Variants in PHYHIPL observed in about 807,000 individuals in gnomAD.
The protein encoded by PHYHIPL is phytanoyl-CoA hydroxylase-interacting protein-like.
Under a neutral mutation model 33.4 loss-of-function variants are expected in PHYHIPL, and 9 were observed. The observed-to-expected ratio is 0.27, with a 90% CI of 0.16 to 0.47. PHYHIPL has a LOEUF of 0.47. PHYHIPL is among the 20% of genes least tolerant of loss of function. PHYHIPL has a pLI of 0.99. For missense variants in PHYHIPL, 365 were observed against 460.7 expected (o/e 0.79, Z 1.90); for synonymous variants, 153 against 154.1 (o/e 0.99, Z 0.05).
At chr10:59,197,673 T>C (rs1183968822) in intron 1 of PHYHIPL, among the ~76,000 whole-genome samples, 1 of 152,186 alleles carries the variant, frequency 6.6e-6, no homozygotes, top group Non-Finnish European at 1.5e-5. Context: ...TGTGCTACCA[T>C]ATTTATTGTC....
chr10:59,193,745 G>C (rs1014865001), intron 1 of PHYHIPL, among the ~76,000 whole-genome samples: 14 of 151,918 alleles, frequency 9.2e-5, no homozygotes, highest in African/African-American at 3.4e-4. Flanking sequence ...GAATATTTGA[G>C]CCTATTTCTA....
Position 59,203,514 on chromosome 10 carries a change from A to C in PHYHIPL, c.106+26555A>C, listed in dbSNP as rs572353906. 2.4e-3 allele frequency among the ~76,000 whole-genome samples: 363 copies of C among 152,226 alleles called. 1 individual carries two copies. Among genetic ancestry groups the C allele is most frequent in the African/African-American group, 8.3e-3 (343 of 41,536 alleles). On this transcript the variant is annotated intron_variant, in intron 1 of 4. Transcript: ENST00000373880. Reference sequence around the variant, plus strand: ...TCACAATAGCAAAGACTTGGAACCAACCCAAATGTCCATCAATGATAGACT... The same window carrying C: ...TCACAATAGCAAAGACTTGGAACCACCCCAAATGTCCATCAATGATAGACT...
At chr10:59,241,093 G>A (rs1270438930) in intron 4 of PHYHIPL, among the ~76,000 whole-genome samples, 2 of 152,016 alleles carry the variant, frequency 1.3e-5, no homozygotes, top group African/African-American at 4.8e-5. Context: ...ACTTTCCACA[G>A]AGTGGTATAA....
At chr10:59,207,574 C>T (rs1306373434) in intron 1 of PHYHIPL, among the ~76,000 whole-genome samples, 1 of 152,156 alleles carries the variant, frequency 6.6e-6, no homozygotes, top group Non-Finnish European at 1.5e-5. Flanking sequence ...GATTCCTCCT[C>T]TCTAGGCAGG....
In PHYHIPL at chr10:59,234,520, C is replaced by A; in HGVS notation, c.303+20C>A. The A allele has an allele frequency of 6.7e-7, 1 of 1,482,770 alleles. No individual in the cohort carries two copies. Among genetic ancestry groups the A allele is most frequent in the Non-Finnish European group, 9.0e-7 (1 of 1,112,734 alleles). 91.9% of individuals were successfully genotyped at this position (1,482,770 alleles called of 1,614,324 possible). A position where few individuals can be genotyped will look rare whatever the true frequency, so the allele number is the denominator to read the frequency against. ...CACAAGGTAAAATCTAACAAATACT[C>A]ATGCTAATTTGCATCTTAAAACTTT... On this transcript the variant is annotated intron_variant, in intron 2 of 4. Transcript: ENST00000373880.
upstream of PHYHIPL, among the ~76,000 whole-genome samples, chr10:59,174,534 A>C (rs1838219240): frequency 6.6e-6 from 1 of 152,224 alleles, no homozygotes; most frequent in Admixed American, 6.5e-5. Flanking sequence ...AAAAGTAAAT[A>C]TTTCTTTTGT....
At position 59,238,716 on chromosome 10, in the gene PHYHIPL, A is replaced by G. The variant is rs1194694063; in HGVS notation, c.596+11A>G. 2 of 1,487,404 alleles carry G rather than the reference A, an allele frequency of 1.3e-6. No individual in the cohort carries two copies. Among genetic ancestry groups the G allele is most frequent in the Non-Finnish European group, 9.4e-7 (1 of 1,066,434 alleles). The allele number at this position is 1,487,404 out of a possible 1,614,324, so 92.1% of individuals were successfully genotyped here. ...TTTTGACTATGTTCGGTAAGATTCA[A>G]AAATATATAGTGATTTGTTTTACTA... On this transcript the variant is annotated intron_variant, in intron 4 of 4. Coordinates refer to ENST00000373880, the MANE Select transcript of PHYHIPL (RefSeq NM_032439.4).
intron 1 of PHYHIPL, among the ~76,000 whole-genome samples, chr10:59,194,443 A>C (rs1838857773): frequency 6.6e-6 from 1 of 152,156 alleles, no homozygotes; most frequent in South Asian, 2.1e-4. Flanking sequence ...ATAATATTTT[A>C]ATGAGAATTT....
chr10:59,220,341 G>A (rs1306698032), intron 1 of PHYHIPL, among the ~76,000 whole-genome samples: 1 of 152,048 alleles, frequency 6.6e-6, no homozygotes. Flanking sequence ...ACACAGGTAA[G>A]CCTGTGTTAC....
intron 1 of PHYHIPL, among the ~76,000 whole-genome samples, chr10:59,232,302 A>G (rs1250846998): frequency 6.6e-6 from 1 of 152,056 alleles, no homozygotes; most frequent in East Asian, 1.9e-4. Context: ...GTTAAGAACT[A>G]GTTAATCTAG....
chr10:59,234,316 A>G lies in PHYHIPL; in HGVS notation c.119A>G (p.Gln40Arg). The G allele has an allele frequency of 2.5e-6, 4 of 1,582,048 alleles. No individual in the cohort carries two copies. The highest frequency in any genetic ancestry group is 3.4e-6 in the Non-Finnish European group (4 of 1,169,964). ...QLCDRDGNKS[Q>R]DSGIAEMEEL... is the part of the protein sequence containing the mutation. Reference sequence around the variant, plus strand: ...TGTTTTCTTGCAGGGAACAAATCACAAGACAGTGGCATAGCAGAGATGGAA... The same window carrying G: ...TGTTTTCTTGCAGGGAACAAATCACGAGACAGTGGCATAGCAGAGATGGAA... Residue 40 changes from glutamine to arginine, a missense_variant, in exon 2 of 5, where the codon CAA (glutamine) becomes CGA (arginine). Physicochemically the swap from Gln to Arg is conservative, Grantham distance 43. Transcript: ENST00000373880.
rs574300137 is a variant in PHYHIPL, at chr10:59,200,779, G to A, written c.106+23820G>A. On this transcript the variant is annotated intron_variant, in intron 1 of 4. Transcript: ENST00000373880. ...AGCCATTCAACTTCTTCCTGGTTTA[G>A]TCTTCGGAGGGTGTATGTGTCGAAG... is the stretch of plus-strand genomic sequence containing the variant. 2.6e-5 allele frequency among the ~76,000 whole-genome samples: 4 copies of A among 152,240 alleles called. No individual in the cohort carries two copies. In the South Asian group the frequency reaches 8.3e-4, roughly 32 times the overall value.
rs71006238 is a variant in PHYHIPL at position 59,230,212 on chromosome 10, C to CTTTT, written c.107-4076_107-4073dup. Among the ~76,000 whole-genome samples the CTTTT allele has an allele frequency of 2.4e-4, 30 of 123,344 alleles. 1 individual carries two copies. Among genetic ancestry groups the CTTTT allele is most frequent in the African/African-American group, 5.6e-4 (18 of 32,326 alleles). 80.9% of individuals were successfully genotyped at this position (123,344 alleles called of 152,430 possible). A position where few individuals can be genotyped will look rare whatever the true frequency, so the allele number is the denominator to read the frequency against. Reference sequence around the variant, plus strand: ...ACATGAAATATTTTAAAATTGCTTTCTTTTTTTTTTTTTTTTTTTGAGACA... The same window carrying CTTTT: ...ACATGAAATATTTTAAAATTGCTTTCTTTTTTTTTTTTTTTTTTTTTTTGAGACA... On this transcript the variant is annotated intron_variant, in intron 1 of 4. Transcript: ENST00000373880.
At chr10:59,209,660 T>A (rs1401491822) in intron 1 of PHYHIPL, among the ~76,000 whole-genome samples, 2 of 152,152 alleles carry the variant, frequency 1.3e-5, no homozygotes, top group Non-Finnish European at 2.9e-5. Context: ...ACTACCTGAC[T>A]TCAAACTATA....
intron 1 of PHYHIPL, among the ~76,000 whole-genome samples, chr10:59,201,351 C>T (rs186371991): frequency 6.6e-6 from 1 of 152,230 alleles, no homozygotes; most frequent in East Asian, 1.9e-4. Flanking sequence ...GTTCGTTTTC[C>T]ATGTAGTTGA....
upstream of PHYHIPL, among the ~76,000 whole-genome samples, chr10:59,176,022 G>C (rs573895194): frequency 7.2e-5 from 11 of 152,258 alleles, no homozygotes; most frequent in Admixed American, 2.0e-4. Flanking sequence ...CGTTTGCCCC[G>C]CTTCAGTGTC....
intron 2 of PHYHIPL, among the ~76,000 whole-genome samples, chr10:59,236,036 G>A (rs965510107): frequency 1.3e-5 from 2 of 151,704 alleles, no homozygotes; most frequent in Non-Finnish European, 2.9e-5. Context: ...TTGTCATTTA[G>A]TATGAGAATG....
At chr10:59,205,622 AC>A (rs981097964) in intron 1 of PHYHIPL, among the ~76,000 whole-genome samples, 5 of 152,130 alleles carry the variant, frequency 3.3e-5, no homozygotes, top group Non-Finnish European at 7.4e-5. Flanking sequence ...TTTATGTGTA[AC>A]CTATGTTCAT....
Position 59,193,483 on chromosome 10 carries a change from A to T in PHYHIPL, c.106+16524A>T, listed in dbSNP as rs1429291245. Among the ~76,000 whole-genome samples, 4 of 152,302 alleles carry T rather than the reference A, an allele frequency of 2.6e-5. No individual in the cohort carries two copies. In the East Asian group the frequency reaches 7.7e-4, roughly 29 times the overall value. ...CAGTGAAGCCTAAAGAAAAATTAAA[A>T]TCTTCAGCAAATCTGTGTCTAAGGC... On this transcript the variant is annotated intron_variant, in intron 1 of 4. Transcript: ENST00000373880.
Sources: gnomAD v4.1 joint callset for allele counts (sites outside exome capture counted in the v4.1 genomes callset) on GRCh38, gnomAD v4.1.1 for gene constraint, MANE v1.5 for transcripts, NCBI Gene and HGNC (gene_info 2026-07-23, HGNC 2026-07-21) for gene names.